FOCAD: variants seen among roughly 807,000 people sequenced by gnomAD.
FOCAD encodes KIAA1797.
In FOCAD, 198 loss-of-function variants were observed where a neutral mutation model predicts 225.6. The observed-to-expected ratio is 0.88, with a 90% confidence interval of 0.78 to 0.99. The LOEUF (loss-of-function observed/expected upper bound fraction) is 0.99, where lower values mean the gene tolerates loss of function less well. FOCAD is among the 50% of genes least tolerant of loss of function. The pLI, the probability that FOCAD is intolerant of heterozygous loss-of-function variation, is 0.00. For missense variants in FOCAD, 2,713 were observed against 2,123.6 expected, an observed-to-expected ratio of 1.28 and a Z score of -5.46; for synonymous variants, 897 against 755.0, an observed-to-expected ratio of 1.19 and a Z score of -3.08.
At chr9:20,990,015 G>C in intron 41 of FOCAD, 108 bp from the exon 42 acceptor site, 1 of 1,332,412 alleles carries the variant, frequency 7.5e-7, no homozygotes, top group Non-Finnish European at 1.1e-6. Flanking sequence ...GACTGGTTGG[G>C]TGAAGGGGAA....
At chr9:20,756,120 G>T (rs895195920) in intron 5 of FOCAD, among the ~76,000 whole-genome samples, 5 of 152,178 alleles carry the variant, frequency 3.3e-5, no homozygotes, top group African/African-American at 7.2e-5. Flanking sequence ...CTGCCAAAGG[G>T]TTTGGAATTG....
At chr9:20,865,505 G>A (rs922418304) in intron 16 of FOCAD, among the ~76,000 whole-genome samples, 8 of 151,986 alleles carry the variant, frequency 5.3e-5, no homozygotes, top group African/African-American at 1.4e-4. Context: ...TGAAAAAAAC[G>A]CAGTCACTGC....
intron 2 of FOCAD, among the ~76,000 whole-genome samples, chr9:20,717,441 A>G (rs1336947414): frequency 6.6e-6 from 1 of 152,214 alleles, no homozygotes; most frequent in Non-Finnish European, 1.5e-5. Flanking sequence ...TGCAAAGATG[A>G]TTTTAAAAAC....
At chr9:20,873,312 G>A (rs553268030) in intron 18 of FOCAD, among the ~76,000 whole-genome samples, 2 of 152,108 alleles carry the variant, frequency 1.3e-5, no homozygotes, top group Admixed American at 1.3e-4. Flanking sequence ...GACTTTTTAG[G>A]CCACTAGGAT....
intron 5 of FOCAD, among the ~76,000 whole-genome samples, chr9:20,757,276 A>C (rs976239949): frequency 6.6e-6 from 1 of 152,246 alleles, no homozygotes. Flanking sequence ...CACATAAATA[A>C]TAGCTAAAAA....
chr9:20,877,439 C>CACTT (rs1830319995), intron 19 of FOCAD, among the ~76,000 whole-genome samples: 1 of 152,094 alleles, frequency 6.6e-6, no homozygotes, highest in Admixed American at 6.6e-5. Flanking sequence ...CACAGCAGAG[C>CACTT]ACTTCATAGA....
chr9:20,748,311 T>C (rs1828240900), intron 5 of FOCAD, among the ~76,000 whole-genome samples: 1 of 152,032 alleles, frequency 6.6e-6, no homozygotes, highest in African/African-American at 2.4e-5. Flanking sequence ...TTTTTGGAAA[T>C]GGTCTTTATA....
intron 11 of FOCAD, among the ~76,000 whole-genome samples, chr9:20,790,778 A>C (rs1366510794): frequency 6.6e-6 from 1 of 152,070 alleles, no homozygotes; most frequent in African/African-American, 2.4e-5. Flanking sequence ...AAACAAAAAC[A>C]AAAAAACAAA....
chr9:20,975,127 C>G (rs190153872), intron 35 of FOCAD, among the ~76,000 whole-genome samples: 1 of 151,982 alleles, frequency 6.6e-6, no homozygotes, highest in Non-Finnish European at 1.5e-5. Flanking sequence ...TTTCTACTGC[C>G]GATGTTGATC....
In FOCAD at chr9:20,923,749, A is replaced by T; in HGVS notation, c.2942A>T (p.Asp981Val). ...AGACATGAAGCCAGCCTCTCCTCAG[A>T]CTCTGACGGGCTCCTGGAGGTTAGT... is the stretch of plus-strand genomic sequence containing the variant. ...VSRHEASLSS[D>V]SDGLLEVQPN... The change falls in exon 25 of 44, where the codon GAC becomes GTC. Residue 981 changes from aspartate (D) to valine (V), a missense_variant. By Grantham distance (152) the Asp-to-Val change is radical (BLOSUM62 -3). Coordinates refer to ENST00000338382, the MANE Select transcript of FOCAD (RefSeq NM_001375567.1). 6.2e-7 allele frequency: 1 copy of T among 1,613,620 alleles called. No homozygotes were observed. Among genetic ancestry groups the T allele is most frequent in the Non-Finnish European group, 8.5e-7 (1 of 1,179,754 alleles).
At chr9:20,867,328 G>A (rs1276208004) in intron 18 of FOCAD, among the ~76,000 whole-genome samples, 1 of 151,876 alleles carries the variant, frequency 6.6e-6, no homozygotes, top group African/African-American at 2.4e-5. Context: ...TCCAAGCATG[G>A]CCTTCATAGA....
chr9:20,880,542 A>G (rs1830581534), intron 19 of FOCAD, among the ~76,000 whole-genome samples: 1 of 152,200 alleles, frequency 6.6e-6, no homozygotes, highest in Non-Finnish European at 1.5e-5. Context: ...CTGTTTTTCC[A>G]GAGCACAGAG....
rs779339793 is a variant in FOCAD, at chr9:20,820,379, T to C, written c.1616T>C (p.Leu539Pro). Reference sequence around the variant, plus strand: ...CAACTACTTGGAACCACACCACGACTAAGAGCTGTCACTTTGCGCTTGCTG... The same window carrying C: ...CAACTACTTGGAACCACACCACGACCAAGAGCTGTCACTTTGCGCTTGCTG... ...IIQLLGTTPR[L>P]RAVTLRLLTS... The change falls in exon 13 of 44, where the codon CTA (leucine) becomes CCA (proline). Residue 539 changes from leucine (L) to proline (P), a missense_variant. Leu to Pro is a moderately conservative substitution (Grantham distance 98). Coordinates refer to ENST00000338382, the MANE Select transcript of FOCAD (RefSeq NM_001375567.1). 2 of 1,612,964 alleles carry C rather than the reference T, an allele frequency of 1.2e-6. No homozygotes were observed. Among genetic ancestry groups the C allele is most frequent in the South Asian group, 2.2e-5 (2 of 91,040 alleles).
chr9:20,859,235 A>T lies in FOCAD; in HGVS notation c.1921-3343A>T, dbSNP rs143174233. On this transcript the variant is annotated intron_variant, in intron 15 of 43. Transcript: ENST00000338382. The stretch of plus-strand genomic sequence containing the variant: ...ACTAAATCCAAATTAAAAAAACATT[A>T]TCTGGGTGTGGTGGTGCATGCCTGT... Among the ~76,000 whole-genome samples the T allele has an allele frequency of 3.3e-5, 5 of 152,102 alleles. No homozygotes were observed. In the East Asian group the frequency reaches 7.7e-4, roughly 24 times the overall value.
chr9:20,926,356 T>C lies in FOCAD; in HGVS notation c.3017T>C (p.Leu1006Pro). ...TGGGTTTCCATGGTACTTGATACACTCTTGGTCATTGTGGATAGCCATTAC... is the reference window on the plus strand; with the variant it reads ...TGGGTTTCCATGGTACTTGATACACCCTTGGTCATTGTGGATAGCCATTAC... ...KEWVSMVLDT[L>P]LVIVDSHYQP... Residue 1006 changes from leucine (L) to proline (P), a missense_variant, in exon 26 of 44, where the codon CTC becomes CCC. Leu to Pro is a moderately conservative substitution (Grantham distance 98). Transcript: ENST00000338382. 1 of 1,613,918 alleles carries C rather than the reference T, an allele frequency of 6.2e-7. No homozygotes were observed. The highest frequency in any genetic ancestry group is 8.5e-7 in the Non-Finnish European group (1 of 1,179,824).
chr9:20,712,640 A>ACTGTC (rs1448631383), intron 1 of FOCAD, among the ~76,000 whole-genome samples: 1 of 151,322 alleles, frequency 6.6e-6, no homozygotes, highest in Non-Finnish European at 1.5e-5. Context: ...AGCCTGGGTG[A>ACTGTC]CAGAGTGAGA....
chr9:20,918,174 C>A (rs1261390927), intron 24 of FOCAD, among the ~76,000 whole-genome samples: 1 of 152,154 alleles, frequency 6.6e-6, no homozygotes, highest in Non-Finnish European at 1.5e-5. Context: ...ATGTAGTCTA[C>A]ATATATCCTA....
intron 28 of FOCAD, among the ~76,000 whole-genome samples, chr9:20,942,014 A>G (rs1836706554): frequency 6.6e-6 from 1 of 152,232 alleles, no homozygotes; most frequent in African/African-American, 2.4e-5. Context: ...GAAATCAGGA[A>G]TAAAGTTTTA....
intron 5 of FOCAD, among the ~76,000 whole-genome samples, chr9:20,743,908 T>A (rs1318088196): frequency 6.6e-6 from 1 of 152,112 alleles, no homozygotes. Flanking sequence ...CTTTTCTTTG[T>A]CTATTTGGGT....
Sources: gnomAD v4.1 joint callset for allele counts (sites outside exome capture counted in the v4.1 genomes callset) on GRCh38, gnomAD v4.1.1 for gene constraint, MANE v1.5 for transcripts, NCBI Gene and HGNC (gene_info 2026-07-23, HGNC 2026-07-21) for gene names.